EPN1: variants seen among roughly 807,000 people sequenced by gnomAD.
EPN1 encodes the protein epsin 1.
Under a neutral mutation model 56.9 loss-of-function variants are expected in EPN1, and 25 were observed. That is an observed-to-expected ratio of 0.44 (90% CI 0.32 to 0.61). The LOEUF (loss-of-function observed/expected upper bound fraction) is 0.61. Ranked by LOEUF, EPN1 falls within the 20% of genes least tolerant of loss-of-function variation. The probability of loss-of-function intolerance (pLI) is 0.05; values close to 1 mark genes in which losing one functional copy is unlikely to be tolerated. For synonymous variants in EPN1, 411 were observed against 361.8 expected, an observed-to-expected ratio of 1.14 and a Z score of -1.54; for missense variants, 785 against 823.7, an observed-to-expected ratio of 0.95 and a Z score of 0.58.
chr19:55,675,619 CTGTG>C (rs1385810753), intron 1 of EPN1, among the ~76,000 whole-genome samples, 184 bp downstream of exon 1: 1 of 152,186 alleles, frequency 6.6e-6, no homozygotes, highest in East Asian at 1.9e-4. Flanking sequence ...TCTCTCGTGT[CTGTG>C]TGTCTGTCAG....
Position 55,685,590 on chromosome 19 carries a change from G to A in EPN1, c.423G>A (p.Arg141=), listed in dbSNP as rs1192992155. Residue 141 remains arginine (R), a synonymous_variant, in exon 3 of 11, where the codon CGG becomes CGA. Coordinates refer to ENST00000270460, the MANE Select transcript of EPN1 (RefSeq NM_001130072.2). ...TGCTGCGCGACGAGGACCGGCTGCG[G>A]GAAGAGCGGGCGCACGCGCTCAAGA... is the stretch of plus-strand genomic sequence containing the variant. ...VALLRDEDRL[R]EERAHALKTK... 6.2e-7 allele frequency: 1 copy of A among 1,607,660 alleles called. No homozygotes were observed. The highest frequency in any genetic ancestry group is 8.5e-7 in the Non-Finnish European group (1 of 1,177,434).
Position 55,702,458 on chromosome 19 carries a change from G to C in EPN1, c.*7102G>C, listed in dbSNP as rs1987188507. 1 of 152,182 alleles carries C rather than the reference G, an allele frequency of 6.6e-6. No individual in the cohort carries two copies. The highest frequency in any genetic ancestry group is 1.5e-5 in the Non-Finnish European group (1 of 68,054). 9.4% of individuals were successfully genotyped at this position (152,182 alleles called of 1,614,324 possible). On this transcript the variant is annotated 3_prime_UTR_variant, in exon 11 of 11. Coordinates refer to ENST00000270460, the MANE Select transcript of EPN1 (RefSeq NM_001130072.2). ...AGAAAGGGAAAGGAATGTGCTTTAGGCCCACTGTTTTCACTGGGGCCCATC... is the reference window on the plus strand; with the variant it reads ...AGAAAGGGAAAGGAATGTGCTTTAGCCCCACTGTTTTCACTGGGGCCCATC...
chr19:55,699,183 A>G lies in EPN1; in HGVS notation c.*3827A>G, dbSNP rs1987028696. On this transcript the variant is annotated 3_prime_UTR_variant, in exon 11 of 11. Transcript: ENST00000270460. ...TTAACTCGTCATTTACATTAGGTAT[A>G]TCTCCTAATGCCTTCCCTCCCGCCT... 1 of 152,110 alleles carries G rather than the reference A, an allele frequency of 6.6e-6. No individual in the cohort carries two copies. The highest frequency in any genetic ancestry group is 6.6e-5 in the Admixed American group (1 of 15,254). 9.4% of individuals were successfully genotyped at this position (152,110 alleles called of 1,614,324 possible).
chr19:55,692,865 T>G (rs2122215188), intron 8 of EPN1, 69 bp downstream of exon 8: 1 of 1,589,286 alleles, frequency 6.3e-7, no homozygotes, highest in Non-Finnish European at 8.6e-7. Context: ...TTGAGTGTCC[T>G]AAGGGAGGGG....
At chr19:55,681,926 C>T (rs1985844284) in intron 2 of EPN1, among the ~76,000 whole-genome samples, 1 of 152,076 alleles carries the variant, frequency 6.6e-6, no homozygotes, top group South Asian at 2.1e-4. Context: ...TGAGGAATAG[C>T]TGGGACCACA....
intron 2 of EPN1, among the ~76,000 whole-genome samples, chr19:55,684,625 T>C (rs1340041157): frequency 5.3e-5 from 8 of 152,324 alleles, no homozygotes; most frequent in African/African-American, 1.9e-4. Flanking sequence ...AGCCCGGGCC[T>C]ACACAGGCCC....
In EPN1 at chr19:55,708,947, C is replaced by T; in HGVS notation, c.*13591C>T. The T allele has an allele frequency of 1.3e-6, 2 of 1,571,688 alleles. No individual in the cohort carries two copies. Among genetic ancestry groups the T allele is most frequent in the African/African-American group, 1.4e-5 (1 of 72,148 alleles). On this transcript the variant is annotated 3_prime_UTR_variant, in exon 11 of 11. Transcript: ENST00000270460. Reference sequence around the variant, plus strand: ...ACACCCCTGATCTTGTATTCCTCGTCAATCCAAGGTCCATGTGAAATGGTC... The same window carrying T: ...ACACCCCTGATCTTGTATTCCTCGTTAATCCAAGGTCCATGTGAAATGGTC...
In EPN1 at chr19:55,708,051, G is replaced by A. The variant is rs903631602; in HGVS notation, c.*12695G>A. On this transcript the variant is annotated 3_prime_UTR_variant, in exon 11 of 11. Transcript: ENST00000270460. ...ATGGAAAACCTGGAAGTAAAATTAA[G>A]CAAGTAAGTGCGAGCACTCTACATT... The A allele has an allele frequency of 9.8e-5, 15 of 152,328 alleles. No individual in the cohort carries two copies. 9.4% of individuals were successfully genotyped at this position (152,328 alleles called of 1,614,324 possible).
Position 55,684,816 on chromosome 19 carries a change from TAGAC to T in EPN1, c.229-577_229-574del, listed in dbSNP as rs199888668. Among the ~76,000 whole-genome samples the T allele has an allele frequency of 1.0e-2, 1,519 of 152,346 alleles. 22 individuals carry two copies. Among genetic ancestry groups the T allele is most frequent in the African/African-American group, 0.032 (1,334 of 41,560 alleles). ...ACTTTAGATTTTAGTTGTAAAGAAA[TAGAC>T]AGGGCTCCAGGATGCCAGGCGATGC... On this transcript the variant is annotated intron_variant, in intron 2 of 10. Coordinates refer to ENST00000270460, the MANE Select transcript of EPN1 (RefSeq NM_001130072.2).
At chr19:55,690,418 C>T (rs941980310) in intron 6 of EPN1, among the ~76,000 whole-genome samples, 29 of 152,260 alleles carry the variant, frequency 1.9e-4, no homozygotes, top group Non-Finnish European at 2.9e-5. Context: ...GTGGCGTCCC[C>T]ATGCTCTGCA....
At chr19:55,675,642 T>C (rs543418489) in intron 1 of EPN1, among the ~76,000 whole-genome samples, 14 of 152,294 alleles carry the variant, frequency 9.2e-5, no homozygotes, top group African/African-American at 3.4e-4. Context: ...AGCGTCTGTT[T>C]CCTGTGGGCC....
rs1568578814 is a variant in EPN1, at chr19:55,693,006, C to G, written c.1233C>G (p.Arg411=). 7 of 1,613,368 alleles carry G rather than the reference C, an allele frequency of 4.3e-6. No individual in the cohort carries two copies. The highest frequency in any genetic ancestry group is 5.9e-6 in the Non-Finnish European group (7 of 1,179,602). ...AGTTCTCTGACTTTGACCGACTCCG[C>G]ACGGCACTGCCGACCTCCGGGAGCA... The part of the protein sequence containing the change: ...PDEFSDFDRL[R]TALPTSGSSA... The change falls in exon 9 of 11, where the codon CGC becomes CGG. Residue 411 remains arginine (R), a synonymous_variant. Coordinates refer to ENST00000270460, the MANE Select transcript of EPN1 (RefSeq NM_001130072.2).
chr19:55,701,639 G>C lies in EPN1; in HGVS notation c.*6283G>C, dbSNP rs1036647588. 1 of 151,990 alleles carries C rather than the reference G, an allele frequency of 6.6e-6. No homozygotes were observed. The highest frequency in any genetic ancestry group is 1.9e-4 in the East Asian group (1 of 5,188). 9.4% of individuals were successfully genotyped at this position (151,990 alleles called of 1,614,324 possible). On this transcript the variant is annotated 3_prime_UTR_variant, in exon 11 of 11. Coordinates refer to ENST00000270460, the MANE Select transcript of EPN1 (RefSeq NM_001130072.2). ...TAGACCCTTAAAATACTGAGCTTTCGGGACCCTGCCTGGCTTGTTCCTGTA... is the reference window on the plus strand; with the variant it reads ...TAGACCCTTAAAATACTGAGCTTTCCGGACCCTGCCTGGCTTGTTCCTGTA...
intron 7 of EPN1, 115 bp from the exon 8 acceptor site, chr19:55,692,558 GTGGGGTGGGTTTC>G (rs1164068714): frequency 1.7e-6 from 1 of 584,062 alleles, no homozygotes. Context: ...GGGAGGCCGG[GTGGGGTGGGTTTC>G]TGGGGGGCAG....
rs1555793093 is a variant in EPN1 at position 55,706,299 on chromosome 19, TA to T, written c.*10947del. The T allele has an allele frequency of 3.9e-5, 6 of 154,814 alleles. No homozygotes were observed. Among genetic ancestry groups the T allele is most frequent in the African/African-American group, 1.0e-4 (4 of 39,260 alleles). 9.6% of individuals were successfully genotyped at this position (154,814 alleles called of 1,614,324 possible). On this transcript the variant is annotated 3_prime_UTR_variant, in exon 11 of 11. Transcript: ENST00000270460. ...TTTCTTCTTCTTTTTTTTTTTTTTT[TA>T]AAAGACCGTGTTTCGCTCTGTCACC...
At chr19:55,682,684 T>C (rs2122175091) in intron 2 of EPN1, among the ~76,000 whole-genome samples, 1 of 152,336 alleles carries the variant, frequency 6.6e-6, no homozygotes. Flanking sequence ...CCACCGACTT[T>C]AGCCTCTCAA....
chr19:55,695,033 G>T lies in EPN1; in HGVS notation c.1522+50G>T. The T allele has an allele frequency of 6.4e-7, 1 of 1,571,602 alleles. No homozygotes were observed. ...CAAGTCCTTCCTGTGGGTTCCACCA[G>T]AGGAGGTGCCTCACGGGGCAGGGAC... is the stretch of plus-strand genomic sequence containing the variant. On this transcript the variant is annotated intron_variant, in intron 10 of 10. Coordinates refer to ENST00000270460, the MANE Select transcript of EPN1 (RefSeq NM_001130072.2). The surrounding 1 kb of genome is among the most constrained non-coding windows in gnomAD (Gnocchi z 4.4).
At position 55,678,537 on chromosome 19, in the gene EPN1, C is replaced by T. The variant is rs556954533; in HGVS notation, c.-91C>T. ...CTCTTCCCCTCGCAGATGCGGTGACCTGCCAGCACCTGCCGCAGCCTTCGT... is the reference window on the plus strand; with the variant it reads ...CTCTTCCCCTCGCAGATGCGGTGACTTGCCAGCACCTGCCGCAGCCTTCGT... On this transcript the variant is annotated 5_prime_UTR_variant, in exon 2 of 11. Transcript: ENST00000270460. 5.4e-5 allele frequency: 84 copies of T among 1,543,492 alleles called. No homozygotes were observed. The highest frequency in any genetic ancestry group is 1.4e-4 in the South Asian group (12 of 84,244).
chr19:55,678,493 A>G (rs1985584902), intron 1 of EPN1, 34 bp from the exon 2 acceptor site: 1 of 1,518,202 alleles, frequency 6.6e-7, no homozygotes, highest in African/African-American at 1.4e-5. Flanking sequence ...GCCATGTCCC[A>G]TTTGTGTTTC....
Sources: gnomAD v4.1 joint callset for allele counts (sites outside exome capture counted in the v4.1 genomes callset) on GRCh38, gnomAD v4.1.1 for gene constraint, Gnocchi (gnomAD v3.1) non-coding constraint, MANE v1.5 for transcripts, NCBI Gene and HGNC (gene_info 2026-07-23, HGNC 2026-07-21) for gene names.